Variants in KIF27 observed in about 807,000 individuals in gnomAD.
The protein encoded by KIF27 is kinesin-like protein KIF27.
In KIF27, 84 loss-of-function variants were observed where a neutral mutation model predicts 141.8. That is an observed-to-expected ratio of 0.59 (90% CI 0.50 to 0.71). KIF27 has a LOEUF of 0.71. Among genes scored for constraint, KIF27 ranks in the 30% least tolerant of loss-of-function variants. KIF27 has a pLI of 0.00. For missense variants in KIF27, 1,306 were observed against 1,628.4 expected (o/e 0.80, Z 3.41); for synonymous variants, 471 against 569.5 (o/e 0.83, Z 2.46).
chr9:83,869,571 C>A (rs1476272492), intron 12 of KIF27, among the ~76,000 whole-genome samples: 1 of 151,932 alleles, frequency 6.6e-6, no homozygotes, highest in Admixed American at 6.6e-5. Flanking sequence ...ACTAAAAATA[C>A]AAAAAATTAG....
intron 11 of KIF27, among the ~76,000 whole-genome samples, chr9:83,878,266 G>T (rs938302800): frequency 2.7e-5 from 4 of 150,004 alleles, no homozygotes; most frequent in Non-Finnish European, 5.9e-5. Flanking sequence ...GTTGACAAAA[G>T]TGAGGAGAAA....
At chr9:83,870,707 CTTTTTTTT>C (rs544179803) in intron 11 of KIF27, 75 bp from the exon 12 acceptor site, 8 of 1,261,444 alleles carry the variant, frequency 6.3e-6, no homozygotes, top group East Asian at 3.6e-5. Flanking sequence ...CAATTATTTT[CTTTTTTTT>C]TTTTTTTTTT....
rs755490972 is a variant in KIF27, at chr9:83,887,035, T to A, written c.2239+6A>T. The stretch of plus-strand genomic sequence containing the variant: ...TCATTTAAGCTGGTTCACAAGATAC[T>A]ATTACCTGTTTTTATTAATTCTTTA... On this transcript the variant is annotated splice_donor_region_variant and intron_variant, in intron 9 of 17. Coordinates refer to ENST00000297814, the MANE Select transcript of KIF27 (RefSeq NM_017576.4). The A allele has an allele frequency of 5.9e-5, 93 of 1,571,828 alleles. No homozygotes were observed. Among genetic ancestry groups the A allele is most frequent in the Non-Finnish European group, 8.0e-5 (93 of 1,166,814 alleles).
Position 83,867,697 on chromosome 9 carries a change from A to C in KIF27, c.2921T>G (p.Leu974Trp). The C allele has an allele frequency of 6.2e-7, 1 of 1,603,592 alleles. No homozygotes were observed. Among genetic ancestry groups the C allele is most frequent in the Non-Finnish European group, 8.5e-7 (1 of 1,177,278 alleles). The change falls in exon 13 of 18, where the codon TTG becomes TGG. Residue 974 changes from leucine (L) to tryptophan (W), a missense_variant. Physicochemically the swap from Leu to Trp is moderately conservative, Grantham distance 61. Transcript: ENST00000297814. ...TAAACAGAATACCTGACTAGATCTC[A>C]ATTTCTTATTTTCCAGGTGACTCTT... The part of the protein sequence containing the change: ...QEKSHLENKK[L>W]RSSQALNTDS...
At chr9:83,858,028 G>A (rs1949457135) in intron 14 of KIF27, among the ~76,000 whole-genome samples, 1 of 150,296 alleles carries the variant, frequency 6.7e-6, no homozygotes, top group South Asian at 2.1e-4. Flanking sequence ...TCACCGGCAG[G>A]CAGAATTCCT....
At chr9:83,881,841 TTA>T (rs1951702908) in intron 10 of KIF27, among the ~76,000 whole-genome samples, 2 of 152,206 alleles carry the variant, frequency 1.3e-5, no homozygotes, top group Non-Finnish European at 2.9e-5. Context: ...CCTGAAAGTC[TTA>T]CTTAAGAGTG....
chr9:83,902,990 C>T (rs1954086172), intron 4 of KIF27, 70 bp downstream of exon 4: 2 of 926,066 alleles, frequency 2.2e-6, no homozygotes, highest in Non-Finnish European at 3.2e-6. Flanking sequence ...ACACATGTAC[C>T]CCCAAAATAT....
intron 2 of KIF27, among the ~76,000 whole-genome samples, chr9:83,911,385 C>T (rs541465740): frequency 2.0e-5 from 3 of 152,110 alleles, no homozygotes; most frequent in East Asian, 1.9e-4. Context: ...CGCCCACCAC[C>T]ACACATGGCT....
At chr9:83,862,316 A>G (rs1327041308) in intron 13 of KIF27, among the ~76,000 whole-genome samples, 12 of 152,094 alleles carry the variant, frequency 7.9e-5, no homozygotes, top group Non-Finnish European at 1.5e-4. Context: ...TAGGTCTAAC[A>G]TTTAAGTCTT....
At chr9:83,851,878 C>G (rs1948623053) in intron 15 of KIF27, among the ~76,000 whole-genome samples, 1 of 152,156 alleles carries the variant, frequency 6.6e-6, no homozygotes, top group Admixed American at 6.5e-5. Flanking sequence ...ACCTGTAATC[C>G]CAGCACTTTG....
At chr9:83,902,987 T>C (rs1954085454) in intron 4 of KIF27, 73 bp downstream of exon 4, 7 of 903,814 alleles carry the variant, frequency 7.7e-6, no homozygotes, top group South Asian at 2.0e-5. Flanking sequence ...TTAACACATG[T>C]ACCCCCAAAA....
At chr9:83,889,739 T>C (rs1301923396) in intron 6 of KIF27, among the ~76,000 whole-genome samples, 1 of 151,994 alleles carries the variant, frequency 6.6e-6, no homozygotes, top group Non-Finnish European at 1.5e-5. Flanking sequence ...ATTCCTAATC[T>C]GAATACCACA....
At chr9:83,908,872 G>A (rs1280637221) in intron 2 of KIF27, among the ~76,000 whole-genome samples, 1 of 151,820 alleles carries the variant, frequency 6.6e-6, no homozygotes, top group Non-Finnish European at 1.5e-5. Flanking sequence ...CAATTCTCCT[G>A]CCTCAGCCTC....
intron 14 of KIF27, among the ~76,000 whole-genome samples, chr9:83,857,908 T>C (rs1949424502): frequency 6.6e-6 from 1 of 152,110 alleles, no homozygotes; most frequent in Non-Finnish European, 1.5e-5. Context: ...TTTTCTTATA[T>C]TTCTATCTGT....
rs1951570704 is a variant in KIF27 at position 83,880,348 on chromosome 9, T to C, written c.2592A>G (p.Glu864=). Residue 864 remains glutamate, a synonymous_variant, in exon 11 of 18, where the codon GAA becomes GAG. Coordinates refer to ENST00000297814, the MANE Select transcript of KIF27 (RefSeq NM_017576.4). ...TTACTGCATCCAGTTGCTTCCTTTT[T>C]TCATTTTCTTCTCGTAGTTTTCTTT... is the stretch of plus-strand genomic sequence containing the variant. The part of the protein sequence containing the change: ...QLQRKLREEN[E]KRKQLDAVIK... 1.2e-6 allele frequency: 2 copies of C among 1,613,654 alleles called. No homozygotes were observed. Among genetic ancestry groups the C allele is most frequent in the African/African-American group, 1.3e-5 (1 of 74,918 alleles).
At chr9:83,895,335 T>C (rs964108965) in intron 5 of KIF27, among the ~76,000 whole-genome samples, 1 of 151,542 alleles carries the variant, frequency 6.6e-6, no homozygotes, top group Non-Finnish European at 1.5e-5. Context: ...AAAAATCATA[T>C]GATAAAGAAA....
intron 14 of KIF27, 84 bp downstream of exon 14, chr9:83,859,072 T>G (rs1407753256): frequency 3.0e-6 from 3 of 996,674 alleles, no homozygotes; most frequent in South Asian, 1.3e-5. Flanking sequence ...CCAGATAATA[T>G]TTATGATTAT....
intron 13 of KIF27, chr9:83,863,854 G>A (rs892167177): frequency 3.9e-5 from 6 of 152,092 alleles, no homozygotes; most frequent in African/African-American, 1.4e-4. Context: ...CAATTTCAGA[G>A]CCTGTCATTG....
chr9:83,889,341 G>A lies in KIF27; in HGVS notation c.1810-88C>T, dbSNP rs1952449292. 8 of 1,200,830 alleles carry A rather than the reference G, an allele frequency of 6.7e-6. No homozygotes were observed. In the East Asian group the frequency reaches 1.5e-4, roughly 22 times the overall value. 74.4% of individuals were successfully genotyped at this position (1,200,830 alleles called of 1,614,324 possible). A position where few individuals can be genotyped will look rare whatever the true frequency, so the allele number is the denominator to read the frequency against. On this transcript the variant is annotated intron_variant, in intron 6 of 17. Transcript: ENST00000297814. ...CTATTACTCTAAGTGCTTTTAAAGGGGTTATTAGATTGGCACTCTTAAAAT... is the reference window on the plus strand; with the variant it reads ...CTATTACTCTAAGTGCTTTTAAAGGAGTTATTAGATTGGCACTCTTAAAAT...
Sources: allele counts gnomAD v4.1 joint callset (sites outside exome capture counted in the v4.1 genomes callset), GRCh38; gene constraint gnomAD v4.1.1; transcripts MANE v1.5; gene names NCBI Gene and HGNC (gene_info 2026-07-23, HGNC 2026-07-21).